BRI3BP: variants seen among roughly 807,000 people sequenced by gnomAD.
BRI3BP encodes BRI3 binding protein.
In BRI3BP, 7 loss-of-function variants were observed where a neutral mutation model predicts 15.8. The observed-to-expected ratio is 0.44, with a 90% confidence interval of 0.25 to 0.83. The LOEUF (loss-of-function observed/expected upper bound fraction) is 0.83, where lower values mean the gene tolerates loss of function less well. BRI3BP is among the 40% of genes least tolerant of loss of function. BRI3BP has a pLI of 0.20. For synonymous variants in BRI3BP, 192 were observed against 163.5 expected, an observed-to-expected ratio of 1.17 and a Z score of -1.33; for missense variants, 320 against 339.3, an observed-to-expected ratio of 0.94 and a Z score of 0.45.
At chr12:125,023,512 C>T (rs2135999710) in intron 2 of BRI3BP, among the ~76,000 whole-genome samples, 1 of 152,304 alleles carries the variant, frequency 6.6e-6, no homozygotes, top group African/African-American at 2.4e-5. Flanking sequence ...GGACAATTTG[C>T]AGGCTATGCC....
chr12:125,021,015 A>G (rs914932280), intron 2 of BRI3BP, among the ~76,000 whole-genome samples: 2 of 152,250 alleles, frequency 1.3e-5, no homozygotes, highest in Admixed American at 6.5e-5. Context: ...CGCTTCAATA[A>G]TACTGAAGAG....
intron 1 of BRI3BP, among the ~76,000 whole-genome samples, chr12:125,007,877 T>C (rs566608971): frequency 6.6e-6 from 1 of 152,324 alleles, no homozygotes; most frequent in South Asian, 2.1e-4. Flanking sequence ...ACTACGCGTC[T>C]CTTCCATTGT....
At chr12:125,044,862 T>G in the BRI3BP span, among the ~76,000 whole-genome samples, 1 of 152,054 alleles carries the variant, frequency 6.6e-6, no homozygotes, top group Non-Finnish European at 1.5e-5. Context: ...TACCTCAGCC[T>G]CCCAAAGCTC....
At chr12:125,003,492 A>G (rs1173223697) in intron 1 of BRI3BP, among the ~76,000 whole-genome samples, 2 of 152,088 alleles carry the variant, frequency 1.3e-5, no homozygotes, top group Admixed American at 6.6e-5. Flanking sequence ...ACCCTTGTTC[A>G]CCCAGGTCTT....
At chr12:124,994,077 A>G in intron 1 of BRI3BP, 74 bp downstream of exon 1, 1 of 1,045,566 alleles carries the variant, frequency 9.6e-7, no homozygotes, top group South Asian at 3.9e-5. Flanking sequence ...CCGACCTGGG[A>G]GGAGCGCGGC....
intron 1 of BRI3BP, among the ~76,000 whole-genome samples, chr12:125,000,461 C>T (rs1296587381): frequency 6.6e-6 from 1 of 151,680 alleles, no homozygotes; most frequent in Non-Finnish European, 1.5e-5. Flanking sequence ...CTACAGACGC[C>T]CACCACCACG....
rs1191178071 is a variant in BRI3BP at position 125,026,141 on chromosome 12, G to A, written c.*711G>A. The stretch of plus-strand genomic sequence containing the variant: ...TGAGATTTTCTTCCCTCTGTGCTTC[G>A]ATGTATTTTAACCTCAACATTTTGA... On this transcript the variant is annotated 3_prime_UTR_variant, in exon 3 of 3. Transcript: ENST00000341446. 6.6e-6 allele frequency: 1 copy of A among 152,078 alleles called. No homozygotes were observed. Among genetic ancestry groups the A allele is most frequent in the Admixed American group, 6.6e-5 (1 of 15,264 alleles). The allele number at this position is 152,078 out of a possible 1,614,324, so 9.4% of individuals were successfully genotyped here.
At chr12:125,036,821 G>A in the BRI3BP span, among the ~76,000 whole-genome samples, 2 of 152,152 alleles carry the variant, frequency 1.3e-5, no homozygotes, top group South Asian at 4.1e-4. Flanking sequence ...CTCATAAGAA[G>A]AGGAAAAGAC....
chr12:125,013,570 GT>G (rs1211619467), intron 2 of BRI3BP, among the ~76,000 whole-genome samples: 1 of 152,182 alleles, frequency 6.6e-6, no homozygotes, highest in Non-Finnish European at 1.5e-5. Context: ...CTTACTTTCT[GT>G]CCAGTCCCTA....
At chr12:124,998,185 G>A (rs1261888751) in intron 1 of BRI3BP, among the ~76,000 whole-genome samples, 2 of 152,076 alleles carry the variant, frequency 1.3e-5, no homozygotes, top group African/African-American at 4.8e-5. Flanking sequence ...CCAGCTACTT[G>A]GGAGGCTGAG....
At chr12:125,008,299 CTTTTTTT>C (rs55697100) in intron 1 of BRI3BP, among the ~76,000 whole-genome samples, 9 of 99,944 alleles carry the variant, frequency 9.0e-5, no homozygotes, top group Non-Finnish European at 5.5e-5. Context: ...CCTCTTCTTT[CTTTTTTT>C]TTTTTTTTTT....
intron 2 of BRI3BP, among the ~76,000 whole-genome samples, chr12:125,017,939 G>T (rs1421262323): frequency 2.0e-5 from 3 of 152,188 alleles, no homozygotes; most frequent in Admixed American, 2.0e-4. Context: ...GAGTCCTTGT[G>T]TGGAAAATGC....
chr12:125,013,433 C>T (rs755975145), intron 2 of BRI3BP, among the ~76,000 whole-genome samples: 17 of 152,194 alleles, frequency 1.1e-4, no homozygotes, highest in South Asian at 2.1e-4. Context: ...CCACTGCTGC[C>T]GCCACAACAA....
At chr12:125,037,594 G>A in the BRI3BP span, among the ~76,000 whole-genome samples, 5 of 149,540 alleles carry the variant, frequency 3.3e-5, no homozygotes, top group African/African-American at 7.4e-5. Flanking sequence ...GGCAGATCAC[G>A]AGGCCAGGAG....
the BRI3BP span, among the ~76,000 whole-genome samples, chr12:125,037,216 G>A: frequency 2.6e-5 from 4 of 152,004 alleles, no homozygotes; most frequent in East Asian, 3.9e-4. Context: ...CGTGCCACAC[G>A]TCTAGCTAAT....
chr12:125,032,661 C>G (rs180943187), downstream of BRI3BP, among the ~76,000 whole-genome samples: 150 of 152,210 alleles, frequency 9.9e-4, 1 homozygote, highest in Admixed American at 9.6e-3. Context: ...GCAGTCCCAG[C>G]TACTCGGGAG....
chr12:125,005,720 G>A (rs4765201), intron 1 of BRI3BP, among the ~76,000 whole-genome samples: 5,663 of 151,838 alleles, frequency 0.037, 236 homozygotes, highest in Admixed American at 0.13. Flanking sequence ...GGAGGTTGCA[G>A]TGAGCCGAGA....
downstream of BRI3BP, among the ~76,000 whole-genome samples, chr12:125,032,132 G>C (rs1955410446): frequency 6.6e-6 from 1 of 151,976 alleles, no homozygotes; most frequent in Non-Finnish European, 1.5e-5. Flanking sequence ...AATGAGGAGG[G>C]GCAGCTCATT....
At chr12:125,010,523 A>G (rs868363356) in intron 1 of BRI3BP, among the ~76,000 whole-genome samples, 22 of 152,300 alleles carry the variant, frequency 1.4e-4, no homozygotes, top group Admixed American at 3.9e-4. Flanking sequence ...TCATGCCTGT[A>G]ATCCCAGCAC....
Sources: gnomAD v4.1 joint callset for allele counts (sites outside exome capture counted in the v4.1 genomes callset) on GRCh38, gnomAD v4.1.1 for gene constraint, MANE v1.5 for transcripts, NCBI Gene and HGNC (gene_info 2026-07-23, HGNC 2026-07-21) for gene names.